RASAL2: variants seen among roughly 807,000 people sequenced by gnomAD.
RASAL2 encodes RAS protein activator like 2, also known as ras GTPase-activating protein nGAP.
RASAL2 carries 58 observed loss-of-function variants against 128.9 expected under a neutral mutation model. That is an observed-to-expected ratio of 0.45 (90% confidence interval 0.36 to 0.56). The LOEUF (loss-of-function observed/expected upper bound fraction) is 0.56, where lower values mean the gene tolerates loss of function less well. Among genes scored for constraint, RASAL2 ranks in the 20% least tolerant of loss-of-function variants. The probability of loss-of-function intolerance (pLI) is 0.00; values close to 1 mark genes in which losing one functional copy is unlikely to be tolerated. For missense variants in RASAL2, 1,360 were observed against 1,601.6 expected, an observed-to-expected ratio of 0.85 and a Z score of 2.57; for synonymous variants, 561 against 580.8, an observed-to-expected ratio of 0.97 and a Z score of 0.49.
chr1:178,299,783 C>G (rs1361169512), intron 2 of RASAL2, among the ~76,000 whole-genome samples: 1 of 152,190 alleles, frequency 6.6e-6, no homozygotes. Context: ...GCGTGAGTCA[C>G]TGCACCTGGC....
chr1:178,260,402 A>G (rs1174644939), intron 1 of RASAL2, among the ~76,000 whole-genome samples: 4 of 94,738 alleles, frequency 4.2e-5, no homozygotes, highest in Non-Finnish European at 8.3e-5. Flanking sequence ...ATATATATAT[A>G]TATATATATA....
chr1:178,423,696 C>T lies in RASAL2; in HGVS notation c.674+3076C>T, dbSNP rs369297082. On this transcript the variant is annotated intron_variant, in intron 5 of 17. Transcript: ENST00000367649. The stretch of plus-strand genomic sequence containing the variant: ...TATTTGTAATCTTTACTGTGTATTG[C>T]CTCTCTAAAAGATGGGATGGGGGGG... 3.3e-5 allele frequency among the ~76,000 whole-genome samples: 5 copies of T among 152,072 alleles called. No individual in the cohort carries two copies. In the South Asian group the frequency reaches 1.0e-3, roughly 32 times the overall value.
chr1:178,401,795 G>A (rs894203103), intron 4 of RASAL2, among the ~76,000 whole-genome samples: 1 of 152,072 alleles, frequency 6.6e-6, no homozygotes. Flanking sequence ...ACTGTTACTC[G>A]GAAACTTTTT....
chr1:178,257,421 A>ATGTGTGTGTGTGTG (rs1491588452), intron 1 of RASAL2, among the ~76,000 whole-genome samples: 2 of 114,578 alleles, frequency 1.7e-5, no homozygotes, highest in African/African-American at 4.3e-5. Context: ...TGGCTCAGGG[A>ATGTGTGTGTGTGTG]TATGTGTGTG....
chr1:178,114,508 C>A (rs1453364587), intron 1 of RASAL2, among the ~76,000 whole-genome samples: 2 of 150,322 alleles, frequency 1.3e-5, no homozygotes, highest in Non-Finnish European at 3.0e-5. Flanking sequence ...TTGTGAATAA[C>A]CTTGATTTTT....
intron 3 of RASAL2, among the ~76,000 whole-genome samples, chr1:178,370,149 T>C (rs927920302): frequency 6.6e-6 from 1 of 152,264 alleles, no homozygotes; most frequent in African/African-American, 2.4e-5. Context: ...TGTCTAGTTG[T>C]TCTATACAAA....
intron 1 of RASAL2, among the ~76,000 whole-genome samples, chr1:178,155,468 A>C (rs1015701814): frequency 5.3e-4 from 80 of 151,906 alleles, no homozygotes; most frequent in Non-Finnish European, 6.9e-4. Flanking sequence ...CCAGCAAAAA[A>C]AAAAAAAAAA....
intron 1 of RASAL2, among the ~76,000 whole-genome samples, chr1:178,253,837 C>T (rs563725241): frequency 6.6e-6 from 1 of 152,278 alleles, no homozygotes; most frequent in East Asian, 1.9e-4. Context: ...AGGCCATTTT[C>T]ACTTCTTTTG....
chr1:178,317,964 ATGCG>A (rs1668567972), intron 3 of RASAL2, among the ~76,000 whole-genome samples: 4 of 150,836 alleles, frequency 2.7e-5, no homozygotes. Context: ...ACTGCTTTGA[ATGCG>A]TCCCAGAGAT....
intron 1 of RASAL2, among the ~76,000 whole-genome samples, chr1:178,266,147 A>G (rs1665937245): frequency 6.6e-6 from 1 of 152,218 alleles, no homozygotes; most frequent in African/African-American, 2.4e-5. Flanking sequence ...AGATATGTAT[A>G]CGTTCGGTTT....
intron 1 of RASAL2, among the ~76,000 whole-genome samples, chr1:178,275,619 G>A (rs1666468684): frequency 1.3e-5 from 2 of 152,166 alleles, no homozygotes. Context: ...ATGCCTTCAA[G>A]GAATTTATTA....
chr1:178,228,358 G>T (rs1663868450), intron 1 of RASAL2, among the ~76,000 whole-genome samples: 1 of 152,094 alleles, frequency 6.6e-6, no homozygotes, highest in Non-Finnish European at 1.5e-5. Context: ...GAGGCAGGTG[G>T]TTCACGAGTT....
Position 178,464,279 on chromosome 1 carries a change from T to C in RASAL2, c.3254T>C (p.Val1085Ala). The C allele has an allele frequency of 6.2e-7, 1 of 1,606,544 alleles. No individual in the cohort carries two copies. Among genetic ancestry groups the C allele is most frequent in the Non-Finnish European group, 8.5e-7 (1 of 1,176,252 alleles). Residue 1085 changes from valine to alanine, a missense_variant and splice_region_variant, in exon 15 of 18, where the codon GTT (valine) becomes GCT (alanine). Coordinates refer to ENST00000367649, the MANE Select transcript of RASAL2 (RefSeq NM_170692.4). ...TGCTAATAACTGTTTCTGATGCAGG[T>C]TCAGTCACCTGTGGACTCTGCCACA... is the stretch of plus-strand genomic sequence containing the variant. ...RAIQRQQTQQ[V>A]QSPVDSATMS...
intron 1 of RASAL2, among the ~76,000 whole-genome samples, chr1:178,216,506 A>G (rs1259044244): frequency 1.3e-5 from 2 of 152,246 alleles, no homozygotes; most frequent in African/African-American, 4.8e-5. Flanking sequence ...AAGGAAGACT[A>G]TTTTATCTAG....
chr1:178,255,092 T>C (rs1192021727), intron 1 of RASAL2, among the ~76,000 whole-genome samples: 2 of 152,184 alleles, frequency 1.3e-5, no homozygotes, highest in African/African-American at 2.4e-5. Flanking sequence ...CTAACAAAGC[T>C]ATCTTTGTTG....
chr1:178,353,732 A>T (rs1325803064), intron 3 of RASAL2, among the ~76,000 whole-genome samples: 1 of 152,254 alleles, frequency 6.6e-6, no homozygotes, highest in African/African-American at 2.4e-5. Context: ...TAGTGACTAT[A>T]CGTCACCTTG....
intron 1 of RASAL2, among the ~76,000 whole-genome samples, chr1:178,174,043 G>A (rs189093408): frequency 4.1e-4 from 62 of 151,924 alleles, no homozygotes; most frequent in Non-Finnish European, 7.2e-4. Context: ...GTGACATTAG[G>A]ACAGATTTTA....
chr1:178,273,736 G>A (rs931727813), intron 1 of RASAL2, among the ~76,000 whole-genome samples: 2 of 152,156 alleles, frequency 1.3e-5, no homozygotes, highest in African/African-American at 4.8e-5. Context: ...ATTAGATTTC[G>A]ATAAGAGGGA....
At chr1:178,412,533 AC>A (rs1423282044) in intron 4 of RASAL2, among the ~76,000 whole-genome samples, 1 of 152,084 alleles carries the variant, frequency 6.6e-6, no homozygotes, top group African/African-American at 2.4e-5. Flanking sequence ...AGGTTTCACT[AC>A]CTCCCTGAAG....
Sources: allele counts gnomAD v4.1 joint callset (sites outside exome capture counted in the v4.1 genomes callset), GRCh38; gene constraint gnomAD v4.1.1; transcripts MANE v1.5; gene names NCBI Gene and HGNC (gene_info 2026-07-23, HGNC 2026-07-21).